Variants in CERT1 observed in about 807,000 individuals in gnomAD.
CERT1 encodes ceramide transfer protein.
CERT1 carries 31 observed loss-of-function variants against 87.9 expected under a neutral mutation model. The observed-to-expected ratio is 0.35, with a 90% CI of 0.27 to 0.48. The LOEUF (loss-of-function observed/expected upper bound fraction) is 0.48. Ranked by LOEUF, CERT1 falls within the 20% of genes least tolerant of loss-of-function variation. The probability of loss-of-function intolerance (pLI) is 0.99; values close to 1 mark genes in which losing one functional copy is unlikely to be tolerated. For missense variants in CERT1, 487 were observed against 758.0 expected (o/e 0.64, Z 4.20); for synonymous variants, 289 against 250.9 (o/e 1.15, Z -1.44).
chr5:75,510,580 G>A (rs1331292863), intron 1 of CERT1, among the ~76,000 whole-genome samples: 1 of 152,084 alleles, frequency 6.6e-6, no homozygotes, highest in African/African-American at 2.4e-5. Context: ...TACAGGGTGA[G>A]GGAGAAAGTC....
At chr5:75,491,504 T>C (rs1766797239) in intron 2 of CERT1, among the ~76,000 whole-genome samples, 1 of 152,094 alleles carries the variant, frequency 6.6e-6, no homozygotes. Context: ...TTTTTTGCAC[T>C]GAAAATACAA....
In CERT1 at chr5:75,459,109, G is replaced by T; in HGVS notation, c.304C>A (p.Pro102Thr). Residue 102 changes from proline (P) to threonine (T), a missense_variant, in exon 3 of 17, where the codon CCA becomes ACA. Around this residue, in one of 8 missense-constraint regions of CERT1, gnomAD observed 173 missense variants for 302.2 expected, o/e 0.57. Transcript: ENST00000643780. ...DSVWYLRAQD[P>T]DHRQQWIDAI... The stretch of plus-strand genomic sequence containing the variant: ...TCTATCCATTGCTGTCTATGATCTG[G>T]ATCCTGAGCACGAAGATACCAAACA... 1 of 1,612,592 alleles carries T rather than the reference G, an allele frequency of 6.2e-7. No homozygotes were observed. The highest frequency in any genetic ancestry group is 8.5e-7 in the Non-Finnish European group (1 of 1,178,834).
intron 1 of CERT1, among the ~76,000 whole-genome samples, chr5:75,508,058 T>C (rs1160261732): frequency 6.6e-6 from 1 of 152,238 alleles, no homozygotes. Context: ...CATATTTGCC[T>C]ACTTTTCTTA....
downstream of CERT1, chr5:75,376,240 T>C (rs1761309019): frequency 6.6e-6 from 1 of 152,208 alleles, no homozygotes; most frequent in Non-Finnish European, 1.5e-5. Flanking sequence ...TGAGAGCATG[T>C]TTTACACACA....
downstream of CERT1, chr5:75,374,726 C>T (rs73118890): frequency 4.6e-3 from 2,706 of 587,942 alleles, 47 homozygotes; most frequent in African/African-American, 0.041. Flanking sequence ...AGGAATCGAT[C>T]TCATGAAGGA....
intron 2 of CERT1, among the ~76,000 whole-genome samples, chr5:75,495,944 T>A (rs566444323): frequency 7.3e-5 from 11 of 150,568 alleles, no homozygotes; most frequent in East Asian, 2.0e-4. Context: ...GAAAAAAAAA[T>A]AAATAAATAA....
intron 2 of CERT1, among the ~76,000 whole-genome samples, chr5:75,465,144 TCTC>T (rs942237107): frequency 1.6e-4 from 25 of 152,148 alleles, no homozygotes; most frequent in African/African-American, 5.8e-4. Flanking sequence ...CCTCTAGCTC[TCTC>T]CTTTTTCAAG....
intron 2 of CERT1, among the ~76,000 whole-genome samples, chr5:75,490,506 TA>T (rs199516325): frequency 7.3e-5 from 11 of 149,788 alleles, no homozygotes; most frequent in Admixed American, 1.3e-4. Flanking sequence ...TTTATTTATT[TA>T]TTTTTTTTTG....
chr5:75,372,041 T>A (rs957484010), intron 17 of CERT1: 23 of 152,222 alleles, frequency 1.5e-4, no homozygotes, highest in African/African-American at 5.5e-4. Context: ...TTAATACAAA[T>A]ATTTTAGTGT....
intron 1 of CERT1, among the ~76,000 whole-genome samples, chr5:75,509,187 T>C (rs958683629): frequency 2.0e-5 from 3 of 152,160 alleles, no homozygotes; most frequent in Non-Finnish European, 2.9e-5. Flanking sequence ...ACAAAATGAA[T>C]TGTACCGGGA....
intron 12 of CERT1, among the ~76,000 whole-genome samples, chr5:75,386,960 C>T (rs891499832): frequency 6.6e-6 from 1 of 152,144 alleles, no homozygotes; most frequent in African/African-American, 2.4e-5. Flanking sequence ...CTCCGCCTCC[C>T]AGGTTCAAGC....
intron 2 of CERT1, among the ~76,000 whole-genome samples, chr5:75,492,090 TC>T (rs1766822316): frequency 6.6e-6 from 1 of 152,148 alleles, no homozygotes; most frequent in East Asian, 1.9e-4. Context: ...CACACTGTAA[TC>T]CCAGCTGTTC....
chr5:75,377,232 A>C (rs1434661149), downstream of CERT1: 1 of 152,218 alleles, frequency 6.6e-6, no homozygotes, highest in Non-Finnish European at 1.5e-5. Flanking sequence ...GAAAGTTATA[A>C]AGTTTTGTTT....
Position 75,486,954 on chromosome 5 carries a change from A to T in CERT1, c.231+19028T>A, listed in dbSNP as rs1335243498. 1.1e-4 allele frequency among the ~76,000 whole-genome samples: 17 copies of T among 152,186 alleles called. No individual in the cohort carries two copies. The East Asian group carries it at 3.1e-3, about 28-fold the overall frequency. On this transcript the variant is annotated intron_variant, in intron 2 of 16. Coordinates refer to ENST00000643780, the MANE Select transcript of CERT1 (RefSeq NM_001379029.1). ...TGCAATCCCTATCAAAATAACAATG[A>T]CATCGTTCACCAAACCACAAGAAAC...
intron 1 of CERT1, 63 bp from the exon 2 acceptor site, chr5:75,506,179 C>G: frequency 6.6e-7 from 1 of 1,518,966 alleles, no homozygotes; most frequent in Non-Finnish European, 8.9e-7. Flanking sequence ...TTTAGAAATC[C>G]AAACTTTGTG....
chr5:75,386,172 T>C, intron 12 of CERT1, 138 bp from the exon 13 acceptor site: 2 of 651,598 alleles, frequency 3.1e-6, no homozygotes, highest in African/African-American at 1.9e-5. Flanking sequence ...TAAAAGAAAA[T>C]TAAAAATTTC....
At chr5:75,445,026 C>T (rs1315126964) in intron 3 of CERT1, among the ~76,000 whole-genome samples, 1 of 152,140 alleles carries the variant, frequency 6.6e-6, no homozygotes, top group Non-Finnish European at 1.5e-5. Context: ...TCCTTTGAAG[C>T]TCTGTCTTCA....
At chr5:75,412,290 TAA>T (rs1012186346) in intron 7 of CERT1, among the ~76,000 whole-genome samples, 8 of 152,216 alleles carry the variant, frequency 5.3e-5, no homozygotes, top group Non-Finnish European at 1.0e-4. Context: ...GGAATGTTAG[TAA>T]TAATCTTGCT....
At chr5:75,382,143 C>A in intron 14 of CERT1, 66 bp from the exon 15 acceptor site, 7 of 1,443,040 alleles carry the variant, frequency 4.9e-6, no homozygotes, top group South Asian at 3.9e-5. Context: ...AAACGTAATG[C>A]CAATAAATGT....
Sources: gnomAD v4.1 joint callset for allele counts (sites outside exome capture counted in the v4.1 genomes callset) on GRCh38, gnomAD v4.1.1 for gene constraint, gnomAD v4.1.1 regional missense constraint, MANE v1.5 for transcripts, NCBI Gene and HGNC (gene_info 2026-07-23, HGNC 2026-07-21) for gene names.